Variants in ATP6V0E1 observed in about 807,000 individuals in gnomAD.
The protein encoded by ATP6V0E1 is V-type proton ATPase subunit e 1.
A neutral mutation model predicts 11.6 loss-of-function variants in ATP6V0E1; 4 were observed. The observed-to-expected ratio is 0.35, with a 90% CI of 0.17 to 0.79. The LOEUF (loss-of-function observed/expected upper bound fraction) is 0.79. Among genes scored for constraint, ATP6V0E1 ranks in the 30% least tolerant of loss-of-function variants. The probability of loss-of-function intolerance (pLI) is 0.54; values close to 1 mark genes in which losing one functional copy is unlikely to be tolerated. For synonymous variants in ATP6V0E1, 36 were observed against 34.8 expected (o/e 1.04, Z -0.13); for missense variants, 105 against 100.0 (o/e 1.05, Z -0.21).
intron 2 of ATP6V0E1, among the ~76,000 whole-genome samples, chr5:172,998,576 A>C (rs2113587398): frequency 6.7e-6 from 1 of 150,054 alleles, no homozygotes; most frequent in African/African-American, 2.5e-5. Flanking sequence ...GCTCCACTGC[A>C]TCCAGCCTAG....
chr5:173,003,285 G>A (rs1472727822), intron 2 of ATP6V0E1, among the ~76,000 whole-genome samples: 2 of 152,054 alleles, frequency 1.3e-5, no homozygotes, highest in African/African-American at 2.4e-5. Context: ...GGCTGTGAGG[G>A]GAGTGATTGG....
chr5:173,002,751 G>A (rs1455750747), intron 2 of ATP6V0E1, among the ~76,000 whole-genome samples: 1 of 152,226 alleles, frequency 6.6e-6, no homozygotes, highest in African/African-American at 2.4e-5. Context: ...ACTTTGGGAA[G>A]CTGAGGCAGG....
At position 173,034,457 on chromosome 5, in the gene ATP6V0E1, T is replaced by G; in HGVS notation, c.*95T>G. The G allele has an allele frequency of 1.4e-6, 1 of 702,956 alleles. No homozygotes were observed. The highest frequency in any genetic ancestry group is 2.6e-6 in the Non-Finnish European group (1 of 384,916). The allele number at this position is 702,956 out of a possible 1,614,324, so 43.5% of individuals were successfully genotyped here. ...TCACCTCCAAACCAGACCACTTTTC[T>G]TGACTTGCCTGTTTTGGCCATTAGC... is the stretch of plus-strand genomic sequence containing the variant. On this transcript the variant is annotated 3_prime_UTR_variant, in exon 4 of 4. Coordinates refer to ENST00000519374, the MANE Select transcript of ATP6V0E1 (RefSeq NM_003945.4).
At chr5:172,991,245 A>G (rs1755973685) in intron 1 of ATP6V0E1, among the ~76,000 whole-genome samples, 1 of 152,212 alleles carries the variant, frequency 6.6e-6, no homozygotes, top group African/African-American at 2.4e-5. Flanking sequence ...GAGTGTGTGT[A>G]TATATAATTT....
chr5:173,004,426 G>C (rs1756199933), intron 2 of ATP6V0E1, among the ~76,000 whole-genome samples: 1 of 152,164 alleles, frequency 6.6e-6, no homozygotes, highest in Non-Finnish European at 1.5e-5. Context: ...GGGATGGGAA[G>C]CTGGGTTTCA....
At chr5:173,015,315 C>T (rs572095166) in intron 2 of ATP6V0E1, among the ~76,000 whole-genome samples, 2 of 152,324 alleles carry the variant, frequency 1.3e-5, no homozygotes, top group African/African-American at 2.4e-5. Context: ...CAAATTTAGT[C>T]TTTGTTCCCA....
intron 1 of ATP6V0E1, among the ~76,000 whole-genome samples, chr5:172,992,011 T>C (rs1431963691): frequency 6.7e-6 from 1 of 148,844 alleles, no homozygotes; most frequent in Non-Finnish European, 1.5e-5. Context: ...TCTTTCTGTC[T>C]GTCTTTCTGT....
At chr5:173,004,822 C>G (rs184167323) in intron 2 of ATP6V0E1, among the ~76,000 whole-genome samples, 157 of 152,306 alleles carry the variant, frequency 1.0e-3, no homozygotes, top group African/African-American at 3.6e-3. Context: ...TAAAATGGTA[C>G]AGGTCATGCC....
rs75465083 is a variant in ATP6V0E1 at position 173,010,929 on chromosome 5, A to G, written c.153-9309A>G. Among the ~76,000 whole-genome samples the G allele has an allele frequency of 3.1e-3, 479 of 152,330 alleles. 4 individuals are homozygous for G. The highest frequency in any genetic ancestry group is 0.011 in the African/African-American group (445 of 41,580). On this transcript the variant is annotated intron_variant, in intron 2 of 3. Coordinates refer to ENST00000519374, the MANE Select transcript of ATP6V0E1 (RefSeq NM_003945.4). ...TGGTGAGGGCATAGTTTATGCTGGG[A>G]GAGTTCTAGTAACCAAGAGCTGAGC...
intron 2 of ATP6V0E1, among the ~76,000 whole-genome samples, chr5:173,009,154 A>T (rs561266851): frequency 6.6e-6 from 1 of 152,100 alleles, no homozygotes; most frequent in African/African-American, 2.4e-5. Flanking sequence ...TGAACCAGGA[A>T]AGCAGAGGTT....
At chr5:173,028,706 C>T (rs912664567) in intron 3 of ATP6V0E1, among the ~76,000 whole-genome samples, 4 of 152,194 alleles carry the variant, frequency 2.6e-5, no homozygotes, top group Admixed American at 6.5e-5. Flanking sequence ...AGTTACAGCA[C>T]GTTATGTTTA....
intron 2 of ATP6V0E1, among the ~76,000 whole-genome samples, chr5:173,013,570 A>G (rs1756362077): frequency 7.6e-6 from 1 of 130,968 alleles, no homozygotes; most frequent in African/African-American, 3.4e-5. Flanking sequence ...GCCAGACTCC[A>G]TCTCAAAAAA....
At chr5:173,025,504 CTTT>C (rs60822937) in intron 3 of ATP6V0E1, among the ~76,000 whole-genome samples, 46 of 65,550 alleles carry the variant, frequency 7.0e-4, no homozygotes, top group South Asian at 6.7e-3. Flanking sequence ...ATATAAAATA[CTTT>C]TTTTTTTTTT....
intron 2 of ATP6V0E1, among the ~76,000 whole-genome samples, chr5:173,004,813 A>G (rs1401752317): frequency 6.6e-6 from 1 of 152,220 alleles, no homozygotes; most frequent in Non-Finnish European, 1.5e-5. Context: ...TGTAGGCACT[A>G]AAATGGTACA....
At chr5:173,006,030 C>A (rs1362014453) in intron 2 of ATP6V0E1, among the ~76,000 whole-genome samples, 1 of 152,064 alleles carries the variant, frequency 6.6e-6, no homozygotes, top group Admixed American at 6.6e-5. Context: ...TCTTGACAAC[C>A]ATTTGTGTGC....
At chr5:173,024,392 T>G (rs1756526161) in intron 3 of ATP6V0E1, among the ~76,000 whole-genome samples, 1 of 151,476 alleles carries the variant, frequency 6.6e-6, no homozygotes, top group Non-Finnish European at 1.5e-5. Flanking sequence ...TGTTGTTGTT[T>G]TTTGTTGTTG....
chr5:173,002,631 T>C lies in ATP6V0E1; in HGVS notation c.152+7809T>C, dbSNP rs144833735. Among the ~76,000 whole-genome samples the C allele has an allele frequency of 4.9e-4, 74 of 152,364 alleles. No individual in the cohort carries two copies. In the East Asian group the frequency reaches 9.6e-3, roughly 20 times the overall value. On this transcript the variant is annotated intron_variant, in intron 2 of 3. Transcript: ENST00000519374. ...CATAATGTCTGATTTTTCTTTGTAT[T>C]ATTGGCCATCATTTATGATATTCTG...
chr5:172,987,308 G>A (rs1261096850), intron 1 of ATP6V0E1: 1 of 150,296 alleles, frequency 6.7e-6, no homozygotes, highest in Non-Finnish European at 1.5e-5. Context: ...CTTTGAGATG[G>A]ACTCTCACTC....
intron 1 of ATP6V0E1, among the ~76,000 whole-genome samples, chr5:172,989,642 T>G (rs1370013426): frequency 1.3e-5 from 2 of 151,970 alleles, no homozygotes; most frequent in Non-Finnish European, 2.9e-5. Context: ...TTCTCCTGCC[T>G]CAGCCTTCCG....
Sources: gnomAD v4.1 joint callset for allele counts (sites outside exome capture counted in the v4.1 genomes callset) on GRCh38, gnomAD v4.1.1 for gene constraint, MANE v1.5 for transcripts, NCBI Gene and HGNC (gene_info 2026-07-23, HGNC 2026-07-21) for gene names.